Variants in PRDM16 observed in about 807,000 individuals in gnomAD.
PRDM16 encodes the protein histone-lysine N-methyltransferase PRDM16.
PRDM16 carries 23 observed loss-of-function variants against 110.6 expected under a neutral mutation model. That is an observed-to-expected ratio of 0.21 (90% CI 0.15 to 0.29). The LOEUF (loss-of-function observed/expected upper bound fraction) is 0.29, where lower values mean the gene tolerates loss of function less well. PRDM16 is among the 10% of genes least tolerant of loss of function. The probability of loss-of-function intolerance (pLI) is 1.00; values close to 1 mark genes in which losing one functional copy is unlikely to be tolerated. For missense variants in PRDM16, 1,615 were observed against 1,794.3 expected, an observed-to-expected ratio of 0.90 and a Z score of 1.81; for synonymous variants, 799 against 781.8, an observed-to-expected ratio of 1.02 and a Z score of -0.37.
Position 3,425,812 on chromosome 1 carries a change from G to A in PRDM16, c.3109+62G>A. 2 of 1,594,486 alleles carry A rather than the reference G, an allele frequency of 1.3e-6. No homozygotes were observed. The highest frequency in any genetic ancestry group is 1.7e-6 in the Non-Finnish European group (2 of 1,166,974). ...CACACGGGCAGGCCCCACAGAGGGG[G>A]AGGGGGAACAGCAGGGGAGTGGGCG... On this transcript the variant is annotated intron_variant, in intron 13 of 16. Coordinates refer to ENST00000270722, the MANE Select transcript of PRDM16 (RefSeq NM_022114.4). This position sits in a 1 kb window ranked among gnomAD's most constrained non-coding sequence, Gnocchi z 6.9.
intron 3 of PRDM16, among the ~76,000 whole-genome samples, chr1:3,272,980 G>A (rs571371580): frequency 3.2e-4 from 48 of 152,366 alleles, no homozygotes; most frequent in Non-Finnish European, 4.7e-4. Context: ...TCATGGGACC[G>A]TCCTGGGGGG....
chr1:3,424,663 A>G (rs1638540162), intron 12 of PRDM16, among the ~76,000 whole-genome samples: 1 of 152,244 alleles, frequency 6.6e-6, no homozygotes, highest in African/African-American at 2.4e-5. Flanking sequence ...GAGGCAGCCA[A>G]CAAGTGGCAA....
chr1:3,145,634 G>A (rs1643633480), intron 1 of PRDM16, among the ~76,000 whole-genome samples: 1 of 152,172 alleles, frequency 6.6e-6, no homozygotes, highest in Non-Finnish European at 1.5e-5. Context: ...CTGCAGAGAT[G>A]TGTGTCCTGC....
chr1:3,270,660 CA>C, intron 3 of PRDM16, among the ~76,000 whole-genome samples: 4 of 81,592 alleles, frequency 4.9e-5, no homozygotes, highest in African/African-American at 3.1e-4. Context: ...GGAGAACAGT[CA>C]GGAGGAGGAC....
At chr1:3,278,554 C>T (rs1033035310) in intron 3 of PRDM16, among the ~76,000 whole-genome samples, 2 of 152,226 alleles carry the variant, frequency 1.3e-5, no homozygotes, top group Non-Finnish European at 2.9e-5. Context: ...ATGGAACATC[C>T]CTGTGCTGGG....
intron 4 of PRDM16, 123 bp downstream of exon 4, chr1:3,385,409 C>A: frequency 1.8e-6 from 2 of 1,086,634 alleles, no homozygotes; most frequent in South Asian, 1.4e-5. Context: ...ATCTGCCAAG[C>A]CCTGGCCTGC....
At chr1:3,278,615 C>T (rs769016079) in intron 3 of PRDM16, among the ~76,000 whole-genome samples, 16 of 152,204 alleles carry the variant, frequency 1.1e-4, no homozygotes, top group Non-Finnish European at 2.1e-4. Flanking sequence ...TGCTGCCCGG[C>T]GGGGCCTGCA....
rs140958215 is a variant in PRDM16, at chr1:3,222,514, G to A, written c.388-21573G>A. Among the ~76,000 whole-genome samples the A allele has an allele frequency of 6.1e-4, 93 of 152,368 alleles. 1 individual carries two copies. Among genetic ancestry groups the A allele is most frequent in the African/African-American group, 2.1e-3 (89 of 41,590 alleles). ...TCCTTCGGCCTGTGGTCGGCTTCAG[G>A]AGGTGGAACCTGCGGGGCCCCTGCC... On this transcript the variant is annotated intron_variant, in intron 2 of 16. Transcript: ENST00000270722.
chr1:3,239,315 G>A (rs1466564232), intron 2 of PRDM16, among the ~76,000 whole-genome samples: 1 of 152,148 alleles, frequency 6.6e-6, no homozygotes, highest in African/African-American at 2.4e-5. Context: ...GTAAAACCCT[G>A]CTGAACATGT....
rs569805821 is a variant in PRDM16, at chr1:3,150,597, T to C, written c.38-35528T>C. Among the ~76,000 whole-genome samples the C allele has an allele frequency of 9.0e-4, 137 of 151,976 alleles. 4 individuals are homozygous for C. The South Asian group carries it at 0.028, about 31-fold the overall frequency. On this transcript the variant is annotated intron_variant, in intron 1 of 16. Coordinates refer to ENST00000270722, the MANE Select transcript of PRDM16 (RefSeq NM_022114.4). ...ATAAAATAAAAAGATAAAATAAAAA[T>C]GGAGGTTTTCAGTCTCTAGTCCAAA...
chr1:3,102,416 G>A (rs981002954), intron 1 of PRDM16, among the ~76,000 whole-genome samples: 1 of 152,220 alleles, frequency 6.6e-6, no homozygotes, highest in Admixed American at 6.5e-5. Context: ...GGTCCTCATG[G>A]GCTGGGGCCC....
At chr1:3,264,346 G>A (rs1640236354) in intron 3 of PRDM16, among the ~76,000 whole-genome samples, 1 of 152,074 alleles carries the variant, frequency 6.6e-6, no homozygotes, top group South Asian at 2.1e-4. Context: ...AGGCAGGGGA[G>A]GGGTGTGGAG....
chr1:3,077,892 A>G (rs1473935068), intron 1 of PRDM16, among the ~76,000 whole-genome samples: 2 of 152,212 alleles, frequency 1.3e-5, no homozygotes, highest in African/African-American at 2.4e-5. Context: ...CTTAGAGCTC[A>G]GCCCTGAAAT....
intron 1 of PRDM16, among the ~76,000 whole-genome samples, chr1:3,123,569 G>C (rs927563937): frequency 1.3e-5 from 2 of 152,238 alleles, no homozygotes; most frequent in Non-Finnish European, 2.9e-5. Flanking sequence ...CCAGTGAGGG[G>C]GGCCCAGAGT....
At position 3,209,188 on chromosome 1, in the gene PRDM16, A is replaced by G. The variant is rs926554757; in HGVS notation, c.387+22714A>G. Among the ~76,000 whole-genome samples, 3 of 152,220 alleles carry G rather than the reference A, an allele frequency of 2.0e-5. No homozygotes were observed. The highest frequency in any genetic ancestry group is 2.9e-5 in the Non-Finnish European group (2 of 68,040). ...ATTTTGGTTCCAGGGGTAAGAAAAA[A>G]TTAATCATTTATTTGGTAAAGGCCC... On this transcript the variant is annotated intron_variant, in intron 2 of 16. Transcript: ENST00000270722. The surrounding 1 kb of genome is among the most constrained non-coding windows in gnomAD (Gnocchi z 4.6).
At chr1:3,409,358 TCAG>T (rs1643629606) in intron 8 of PRDM16, among the ~76,000 whole-genome samples, 1 of 151,992 alleles carries the variant, frequency 6.6e-6, no homozygotes, top group Non-Finnish European at 1.5e-5. Flanking sequence ...CACCTGTCCA[TCAG>T]CAGCCCTCCA....
At position 3,201,762 on chromosome 1, in the gene PRDM16, C is replaced by T. The variant is rs12060022; in HGVS notation, c.387+15288C>T. Among the ~76,000 whole-genome samples, 21,771 of 152,236 alleles carry T rather than the reference C, an allele frequency of 0.14. 2,374 individuals are homozygous for T. Among genetic ancestry groups the T allele is most frequent in the African/African-American group, 0.3 (12,561 of 41,520 alleles). ...GAGCCGAGTAGGGTCGTGTCTGCCC[C>T]GCTTCCACGCGAGCCCTCTCCCACC... is the stretch of plus-strand genomic sequence containing the variant. On this transcript the variant is annotated intron_variant, in intron 2 of 16. Coordinates refer to ENST00000270722, the MANE Select transcript of PRDM16 (RefSeq NM_022114.4). The surrounding 1 kb of genome is among the most constrained non-coding windows in gnomAD (Gnocchi z 4.1).
chr1:3,345,806 TTCCTCCTGTGCTGCCCTCTCGGG>T (rs1234387221), intron 3 of PRDM16, among the ~76,000 whole-genome samples: 7 of 72,736 alleles, frequency 9.6e-5, no homozygotes, highest in Admixed American at 7.9e-4. Flanking sequence ...CACCCCTTGG[TTCCTCCTGTGCTGCCCTCTCGGG>T]TCCTCCCGTG....
chr1:3,355,042 G>A (rs74377326), intron 3 of PRDM16, among the ~76,000 whole-genome samples: 7,021 of 152,208 alleles, frequency 0.046, 277 homozygotes, highest in Middle Eastern at 0.12. Flanking sequence ...GGAACCCACC[G>A]GGACAAAGCC....
Sources: allele counts gnomAD v4.1 joint callset (sites outside exome capture counted in the v4.1 genomes callset), GRCh38; gene constraint gnomAD v4.1.1; non-coding constraint Gnocchi (gnomAD v3.1); transcripts MANE v1.5; gene names NCBI Gene and HGNC (gene_info 2026-07-23, HGNC 2026-07-21).